The following ATP11A variants were observed in gnomAD, a reference collection of about 807,000 sequenced individuals.
ATP11A encodes the protein phospholipid-transporting ATPase IH.
ATP11A carries 81 observed loss-of-function variants against 154.4 expected under a neutral mutation model. The observed-to-expected ratio is 0.52, with a 90% confidence interval of 0.44 to 0.63. The LOEUF (loss-of-function observed/expected upper bound fraction) is 0.63, where lower values mean the gene tolerates loss of function less well. ATP11A is among the 30% of genes least tolerant of loss of function. The pLI is 0.00. For missense variants in ATP11A, 1,316 were observed against 1,474.3 expected (o/e 0.89, Z 1.76); for synonymous variants, 623 against 585.9 (o/e 1.06, Z -0.91).
chr13:112,771,669 G>A (rs907877448), intron 1 of ATP11A, among the ~76,000 whole-genome samples: 2 of 152,112 alleles, frequency 1.3e-5, no homozygotes, highest in African/African-American at 2.4e-5. Flanking sequence ...CTTTGTTGAC[G>A]TTATTTCAGT....
In ATP11A at chr13:112,736,935, C is replaced by T. The variant is rs1305200942; in HGVS notation, c.39+46480C>T. On this transcript the variant is annotated intron_variant, in intron 1 of 29. Coordinates refer to ENST00000375645, the MANE Select transcript of ATP11A (RefSeq NM_015205.3). ...AGGGCAGCGTTGGAAGGCTGTGGAG[C>T]TGTGGGAACCCATATGTGCCTCTGG... 2.0e-5 allele frequency among the ~76,000 whole-genome samples: 3 copies of T among 152,216 alleles called. No homozygotes were observed. The East Asian group carries it at 5.8e-4, about 29-fold the overall frequency.
chr13:112,759,203 G>A (rs901576323), intron 1 of ATP11A, among the ~76,000 whole-genome samples: 1 of 152,180 alleles, frequency 6.6e-6, no homozygotes, highest in Non-Finnish European at 1.5e-5. Flanking sequence ...GAGGCGGCTG[G>A]GGGAGCTCTG....
In ATP11A at chr13:112,807,155, C is replaced by T. The variant is rs140243462; in HGVS notation, c.333+862C>T. On this transcript the variant is annotated intron_variant, in intron 4 of 29. Transcript: ENST00000375645. This position sits in a 1 kb window ranked among gnomAD's most constrained non-coding sequence, Gnocchi z 4.5. Reference sequence around the variant, plus strand: ...ATGTGAAAGGCTGGAGAGGGCATGGCGAGGGAGGCACCACGGGCCGCCGGC... The same window carrying T: ...ATGTGAAAGGCTGGAGAGGGCATGGTGAGGGAGGCACCACGGGCCGCCGGC... Among the ~76,000 whole-genome samples the T allele has an allele frequency of 2.6e-5, 4 of 152,298 alleles. No individual in the cohort carries two copies. Among genetic ancestry groups the T allele is most frequent in the Admixed American group, 1.3e-4 (2 of 15,300 alleles).
At chr13:112,757,414 T>C (rs1298523832) in intron 1 of ATP11A, among the ~76,000 whole-genome samples, 1 of 152,266 alleles carries the variant, frequency 6.6e-6, no homozygotes, top group Non-Finnish European at 1.5e-5. Context: ...CACGACTTCC[T>C]CTTATGTCGG....
Position 112,861,453 on chromosome 13 carries a change from C to T in ATP11A, c.2856-987C>T, listed in dbSNP as rs540823558. Among the ~76,000 whole-genome samples the T allele has an allele frequency of 2.6e-4, 40 of 152,328 alleles. No homozygotes were observed. The South Asian group carries it at 8.3e-3, about 32-fold the overall frequency. ...TGTACTGATGTTGGTGCCGTTCACCCGTTCCCTTATTCAGATCACCCAGCT... is the reference window on the plus strand; with the variant it reads ...TGTACTGATGTTGGTGCCGTTCACCTGTTCCCTTATTCAGATCACCCAGCT... On this transcript the variant is annotated intron_variant, in intron 24 of 29. Transcript: ENST00000375645.
rs773937807 is a variant in ATP11A, at chr13:112,836,171, C to T, written c.1632-7C>T. Reference sequence around the variant, plus strand: ...GGACGGTGTGACCTTCTGCATTTCTCTTTCAGGTTTGAATTGCTGGAAATT... The same window carrying T: ...GGACGGTGTGACCTTCTGCATTTCTTTTTCAGGTTTGAATTGCTGGAAATT... On this transcript the variant is annotated splice_region_variant and splice_polypyrimidine_tract_variant and intron_variant, in intron 15 of 29. Coordinates refer to ENST00000375645, the MANE Select transcript of ATP11A (RefSeq NM_015205.3). 7.5e-6 allele frequency: 12 copies of T among 1,609,782 alleles called. No individual in the cohort carries two copies. Among genetic ancestry groups the T allele is most frequent in the Non-Finnish European group, 9.3e-6 (11 of 1,176,712 alleles).
rs754524981 is a variant in ATP11A at position 112,875,806 on chromosome 13, C to T, written c.3192C>T (p.Tyr1064=). Residue 1064 remains tyrosine (Y), a synonymous_variant, in exon 28 of 30, where the codon TAC becomes TAT. Transcript: ENST00000375645. The surrounding 1 kb of genome is among the most constrained non-coding windows in gnomAD (Gnocchi z 4.1). The part of the protein sequence containing the change: ...WPFLNYQRMY[Y]VFIQMLSSGP... ...TCCTCAACTACCAGAGGATGTACTA[C>T]GTGTTCATCCAGATGCTGTCCAGCG... 1.7e-5 allele frequency: 27 copies of T among 1,613,866 alleles called. No individual in the cohort carries two copies. The East Asian group carries it at 3.1e-4, about 19-fold the overall frequency.
intron 12 of ATP11A, among the ~76,000 whole-genome samples, chr13:112,828,688 T>G (rs543605811): frequency 6.6e-6 from 1 of 152,296 alleles, no homozygotes; most frequent in African/African-American, 2.4e-5. Flanking sequence ...AAAACAGAAT[T>G]TAATTTCTGT....
intron 1 of ATP11A, among the ~76,000 whole-genome samples, chr13:112,704,479 G>T (rs1414830509): frequency 6.6e-6 from 1 of 152,248 alleles, no homozygotes; most frequent in Non-Finnish European, 1.5e-5. Flanking sequence ...CTGCCCCCGC[G>T]TTGTCTTATC....
At chr13:112,692,309 G>C (rs1258708736) in intron 1 of ATP11A, among the ~76,000 whole-genome samples, 1 of 152,162 alleles carries the variant, frequency 6.6e-6, no homozygotes, top group East Asian at 1.9e-4. Flanking sequence ...TCACGTTGTG[G>C]GGCTAATGTG....
rs548450130 is a variant in ATP11A, at chr13:112,690,128, C to G, written c.-289C>G. Among the ~76,000 whole-genome samples the G allele has an allele frequency of 3.4e-5, 5 of 148,334 alleles. No homozygotes were observed. Among genetic ancestry groups the G allele is most frequent in the Admixed American group, 6.7e-5 (1 of 14,954 alleles). On this transcript the variant is annotated 5_prime_UTR_variant, in exon 1 of 30. Coordinates refer to ENST00000375645, the MANE Select transcript of ATP11A (RefSeq NM_015205.3). The surrounding 1 kb of genome is among the most constrained non-coding windows in gnomAD (Gnocchi z 5.6). Reference sequence around the variant, plus strand: ...GGTGCTCCAGCCGAGCCCAACCGAGCGGGCGGACCGACGGGGAGAGAGAAG... The same window carrying G: ...GGTGCTCCAGCCGAGCCCAACCGAGGGGGCGGACCGACGGGGAGAGAGAAG...
At chr13:112,831,955 ACACACACT>A (rs1193872568) in intron 13 of ATP11A, among the ~76,000 whole-genome samples, 93 of 126,680 alleles carry the variant, frequency 7.3e-4, no homozygotes, top group African/African-American at 3.3e-3. Context: ...ACATGCAGAC[ACACACACT>A]CACACATGCC....
chr13:112,740,468 C>T (rs970910389), intron 1 of ATP11A, among the ~76,000 whole-genome samples: 15 of 152,194 alleles, frequency 9.9e-5, no homozygotes, highest in Admixed American at 2.6e-4. Context: ...GCTACTGTCT[C>T]GGCCCAAATC....
intron 1 of ATP11A, among the ~76,000 whole-genome samples, chr13:112,713,381 C>G (rs1887986194): frequency 6.6e-6 from 1 of 152,072 alleles, no homozygotes; most frequent in South Asian, 2.1e-4. Flanking sequence ...GGTGACAGAG[C>G]AAGACTCCGT....
intron 1 of ATP11A, among the ~76,000 whole-genome samples, chr13:112,765,371 T>TG (rs527412612): frequency 2.1e-4 from 32 of 152,130 alleles, no homozygotes; most frequent in East Asian, 1.4e-3. Context: ...GGTCCTGGCC[T>TG]GGGGGGGTCG....
intron 2 of ATP11A, among the ~76,000 whole-genome samples, chr13:112,789,209 G>T (rs1483046571): frequency 6.6e-6 from 1 of 151,216 alleles, no homozygotes; most frequent in Non-Finnish European, 1.5e-5. Flanking sequence ...CAGGTGTCCT[G>T]ATGTGTAGAC....
At position 112,754,916 on chromosome 13, in the gene ATP11A, C is replaced by A. The variant is rs970992478; in HGVS notation, c.40-30219C>A. 6.6e-6 allele frequency among the ~76,000 whole-genome samples: 1 copy of A among 152,216 alleles called. No individual in the cohort carries two copies. The highest frequency in any genetic ancestry group is 2.4e-5 in the African/African-American group (1 of 41,464). On this transcript the variant is annotated intron_variant, in intron 1 of 29. Coordinates refer to ENST00000375645, the MANE Select transcript of ATP11A (RefSeq NM_015205.3). This position sits in a 1 kb window ranked among gnomAD's most constrained non-coding sequence, Gnocchi z 5.3. The stretch of plus-strand genomic sequence containing the variant: ...GCCCTCCTAGACACCCTGCACTTGC[C>A]CCTCCCGAGCGCGTGTGCCTGACCT...
In ATP11A at chr13:112,886,270, T is replaced by TG. The variant is rs2080979675; in HGVS notation, c.*4408dup. 1 of 145,346 alleles carries TG rather than the reference T, an allele frequency of 6.9e-6. No homozygotes were observed. The highest frequency in any genetic ancestry group is 7.1e-5 in the Admixed American group (1 of 14,102). 9.0% of individuals were successfully genotyped at this position (145,346 alleles called of 1,614,324 possible). ...TTTAAACAAATGTTTAGACAGGCTG[T>TG]GGGGACTCCCCTGAGTTGAGCCTTG... On this transcript the variant is annotated 3_prime_UTR_variant, in exon 30 of 30. Transcript: ENST00000375645.
intron 24 of ATP11A, among the ~76,000 whole-genome samples, chr13:112,861,025 A>G (rs2080086273): frequency 6.6e-6 from 1 of 152,178 alleles, no homozygotes; most frequent in South Asian, 2.1e-4. Flanking sequence ...ACAGTTCCAC[A>G]TGGCTGGGGA....
Sources: allele counts gnomAD v4.1 joint callset (sites outside exome capture counted in the v4.1 genomes callset), GRCh38; gene constraint gnomAD v4.1.1; non-coding constraint Gnocchi (gnomAD v3.1); transcripts MANE v1.5; gene names NCBI Gene and HGNC (gene_info 2026-07-23, HGNC 2026-07-21).